The following SLC24A3 variants were observed in gnomAD, a reference collection of about 807,000 sequenced individuals.
The protein encoded by SLC24A3 is sodium/potassium/calcium exchanger 3.
Under a neutral mutation model 75.8 loss-of-function variants are expected in SLC24A3, and 28 were observed. The observed-to-expected ratio is 0.37, with a 90% confidence interval of 0.27 to 0.51. The LOEUF (loss-of-function observed/expected upper bound fraction) is 0.51. Among genes scored for constraint, SLC24A3 ranks in the 20% least tolerant of loss-of-function variants. The pLI, the probability that SLC24A3 is intolerant of heterozygous loss-of-function variation, is 0.94. For missense variants in SLC24A3, 663 were observed against 847.8 expected (o/e 0.78, Z 2.71); for synonymous variants, 372 against 334.1 (o/e 1.11, Z -1.24).
At chr20:19,343,944 G>T (rs1372139134) in intron 2 of SLC24A3, among the ~76,000 whole-genome samples, 2 of 152,170 alleles carry the variant, frequency 1.3e-5, no homozygotes, top group Non-Finnish European at 2.9e-5. Flanking sequence ...AAGCCATCGG[G>T]TGATATTTCC....
chr20:19,277,653 A>G (rs1053311047), intron 1 of SLC24A3, among the ~76,000 whole-genome samples: 7 of 152,198 alleles, frequency 4.6e-5, no homozygotes, highest in African/African-American at 1.7e-4. Flanking sequence ...TGTTGAGATA[A>G]AAGTTTGCAG....
At chr20:19,445,912 T>C (rs1987375019) in intron 2 of SLC24A3, among the ~76,000 whole-genome samples, 1 of 152,158 alleles carries the variant, frequency 6.6e-6, no homozygotes, top group African/African-American at 2.4e-5. Context: ...ATTAAAAGAA[T>C]AAAAAGTAAG....
At chr20:19,389,277 G>A (rs1217446266) in intron 2 of SLC24A3, among the ~76,000 whole-genome samples, 1 of 151,972 alleles carries the variant, frequency 6.6e-6, no homozygotes, top group African/African-American at 2.4e-5. Context: ...TACAATATTA[G>A]AATACTCTCA....
intron 11 of SLC24A3, among the ~76,000 whole-genome samples, chr20:19,684,860 A>G (rs764608930): frequency 5.3e-5 from 8 of 152,134 alleles, no homozygotes; most frequent in Admixed American, 5.2e-4. Flanking sequence ...CACATCCCCT[A>G]AGAACTTTCC....
intron 3 of SLC24A3, among the ~76,000 whole-genome samples, chr20:19,553,515 A>T (rs557642351): frequency 6.6e-6 from 1 of 152,280 alleles, no homozygotes; most frequent in African/African-American, 2.4e-5. Flanking sequence ...TCATAGTTCA[A>T]ATTGGAATAA....
chr20:19,682,059 C>A, intron 10 of SLC24A3, 68 bp downstream of exon 10: 1 of 1,535,436 alleles, frequency 6.5e-7, no homozygotes, highest in Non-Finnish European at 8.9e-7. Flanking sequence ...TCAAGACCAG[C>A]CTGGCCAACA....
At chr20:19,375,421 C>T (rs976309670) in intron 2 of SLC24A3, among the ~76,000 whole-genome samples, 2 of 152,164 alleles carry the variant, frequency 1.3e-5, no homozygotes, top group African/African-American at 4.8e-5. Flanking sequence ...CGGATCAGCA[C>T]TGTGTTTCTT....
chr20:19,425,288 G>A lies in SLC24A3; in HGVS notation c.272-90200G>A, dbSNP rs543264002. 2.8e-5 allele frequency among the ~76,000 whole-genome samples: 4 copies of A among 141,878 alleles called. No individual in the cohort carries two copies. In the Admixed American group the frequency reaches 2.9e-4, roughly 10 times the overall value. The allele number at this position is 141,878 out of a possible 152,430, so 93.1% of individuals were successfully genotyped here. On this transcript the variant is annotated intron_variant, in intron 2 of 16. Transcript: ENST00000328041. ...ACTGCACTCCAGCCTAGGTGACAGAGTGAGACTCCGTCTCAAAAAAAAAAA... is the reference window on the plus strand; with the variant it reads ...ACTGCACTCCAGCCTAGGTGACAGAATGAGACTCCGTCTCAAAAAAAAAAA...
At chr20:19,603,858 A>G (rs1246184707) in intron 6 of SLC24A3, among the ~76,000 whole-genome samples, 1 of 152,116 alleles carries the variant, frequency 6.6e-6, no homozygotes, top group Non-Finnish European at 1.5e-5. Context: ...GCTGGTGCGT[A>G]TGAGAGCAAC....
Position 19,696,698 on chromosome 20 carries a change from G to A in SLC24A3, c.1492-99G>A, listed in dbSNP as rs145416950. On this transcript the variant is annotated intron_variant, in intron 13 of 16. Transcript: ENST00000328041. ...GCAGACATTGCACCCCACAGAGATA[G>A]CCCAGACCATAGCCTGTTGTGAGTC... is the stretch of plus-strand genomic sequence containing the variant. The A allele has an allele frequency of 6.7e-5, 52 of 781,066 alleles. No individual in the cohort carries two copies. The African/African-American group carries it at 7.9e-4, about 12-fold the overall frequency. The allele number at this position is 781,066 out of a possible 1,614,324, so 48.4% of individuals were successfully genotyped here.
chr20:19,390,627 G>A (rs114751821), intron 2 of SLC24A3, among the ~76,000 whole-genome samples: 1,883 of 152,326 alleles, frequency 0.012, 37 homozygotes, highest in African/African-American at 0.04. Context: ...GGACCATGGA[G>A]CTGTGGGGAG....
At chr20:19,475,146 G>A (rs1422741288) in intron 2 of SLC24A3, among the ~76,000 whole-genome samples, 2 of 152,102 alleles carry the variant, frequency 1.3e-5, no homozygotes, top group Admixed American at 6.6e-5. Flanking sequence ...AAACCATCCT[G>A]GCTAACATGG....
intron 2 of SLC24A3, among the ~76,000 whole-genome samples, chr20:19,282,289 C>T (rs2122225675): frequency 6.6e-6 from 1 of 152,274 alleles, no homozygotes; most frequent in African/African-American, 2.4e-5. Flanking sequence ...TCCACCACCA[C>T]CACCAGAAAA....
At chr20:19,669,256 CTT>C (rs930666071) in intron 8 of SLC24A3, among the ~76,000 whole-genome samples, 27 of 152,174 alleles carry the variant, frequency 1.8e-4, no homozygotes, top group African/African-American at 6.0e-4. Context: ...AATCCCAGCT[CTT>C]TGGGAGGCTG....
intron 1 of SLC24A3, among the ~76,000 whole-genome samples, chr20:19,259,327 T>TG (rs1454973539): frequency 5.3e-5 from 8 of 151,884 alleles, no homozygotes; most frequent in African/African-American, 1.9e-4. Flanking sequence ...CCTTCTGGAA[T>TG]GGGCTGCTTC....
intron 1 of SLC24A3, among the ~76,000 whole-genome samples, chr20:19,225,185 G>A (rs962703596): frequency 6.6e-6 from 1 of 152,050 alleles, no homozygotes; most frequent in Non-Finnish European, 1.5e-5. Flanking sequence ...TTGAGCTTAC[G>A]AGTTTTCAAC....
chr20:19,412,602 A>G (rs35629010), intron 2 of SLC24A3, among the ~76,000 whole-genome samples: 1 of 150,380 alleles, frequency 6.6e-6, no homozygotes, highest in Non-Finnish European at 1.5e-5. Flanking sequence ...AGAGAAAGAG[A>G]AGGAGGAGCA....
chr20:19,268,603 A>C lies in SLC24A3; in HGVS notation c.143-12356A>C, dbSNP rs539388923. Among the ~76,000 whole-genome samples, 34 of 152,344 alleles carry C rather than the reference A, an allele frequency of 2.2e-4. No homozygotes were observed. In the South Asian group the frequency reaches 6.8e-3, roughly 31 times the overall value. The stretch of plus-strand genomic sequence containing the variant: ...AGTTCATGATAGATCTGAGACTAGA[A>C]ACCCAAATTGACACATCACCAAGAT... On this transcript the variant is annotated intron_variant, in intron 1 of 16. Coordinates refer to ENST00000328041, the MANE Select transcript of SLC24A3 (RefSeq NM_020689.4).
At chr20:19,494,745 G>A (rs1026745109) in intron 2 of SLC24A3, among the ~76,000 whole-genome samples, 2 of 152,114 alleles carry the variant, frequency 1.3e-5, no homozygotes, top group Non-Finnish European at 2.9e-5. Flanking sequence ...GACTTAGAGG[G>A]ATTAAGAGGC....
Sources: allele counts gnomAD v4.1 joint callset (sites outside exome capture counted in the v4.1 genomes callset), GRCh38; gene constraint gnomAD v4.1.1; transcripts MANE v1.5; gene names NCBI Gene and HGNC (gene_info 2026-07-23, HGNC 2026-07-21).